The following PDXDC1 variants were observed in gnomAD, a reference collection of about 807,000 sequenced individuals.
PDXDC1 encodes the protein pyridoxal dependent decarboxylase domain containing 1.
A neutral mutation model predicts 100.1 loss-of-function variants in PDXDC1; 42 were observed. The ratio of observed to expected loss-of-function variants is 0.42; its 90% CI spans 0.33 to 0.54. The LOEUF (loss-of-function observed/expected upper bound fraction) is 0.54, where lower values mean the gene tolerates loss of function less well. Among genes scored for constraint, PDXDC1 ranks in the 20% least tolerant of loss-of-function variants. The pLI is 0.10. For synonymous variants in PDXDC1, 260 were observed against 371.7 expected (o/e 0.70, Z 3.46); for missense variants, 636 against 979.2 (o/e 0.65, Z 4.68).
intron 16 of PDXDC1, among the ~76,000 whole-genome samples, chr16:15,051,340 G>C (rs1488622126): frequency 6.6e-6 from 1 of 152,202 alleles, no homozygotes; most frequent in Non-Finnish European, 1.5e-5. Flanking sequence ...TAAAACAGTA[G>C]ACTGCTTTGC....
intron 16 of PDXDC1, chr16:15,046,021 A>G (rs2044045444): frequency 6.6e-6 from 1 of 152,302 alleles, no homozygotes. Context: ...TCACAGTTCT[A>G]CAACAGATCA....
chr16:15,058,446 G>T (rs933477971), intron 16 of PDXDC1, among the ~76,000 whole-genome samples: 2 of 152,116 alleles, frequency 1.3e-5, no homozygotes, highest in African/African-American at 4.8e-5. Flanking sequence ...CTTTTTTGAG[G>T]CCAGACATGG....
intron 16 of PDXDC1, chr16:15,045,047 C>G (rs2043988185): frequency 6.6e-6 from 1 of 151,586 alleles, no homozygotes; most frequent in African/African-American, 2.4e-5. Flanking sequence ...CTGCTTGACC[C>G]TGGGAGGCAG....
intron 16 of PDXDC1, among the ~76,000 whole-genome samples, chr16:15,046,932 C>T (rs2044095250): frequency 6.6e-6 from 1 of 152,082 alleles, no homozygotes; most frequent in Non-Finnish European, 1.5e-5. Flanking sequence ...GCGGTCCCCA[C>T]ATCTTCCTGG....
chr16:15,093,991 G>A (rs371940852), intron 16 of PDXDC1: 40 of 700,734 alleles, frequency 5.7e-5, no homozygotes, highest in East Asian at 4.9e-4. Flanking sequence ...CAGTTAGGAG[G>A]AATGAGCTCA....
intron 16 of PDXDC1, chr16:15,125,097 A>T (rs1428908656): frequency 2.5e-6 from 1 of 400,588 alleles, no homozygotes; most frequent in Non-Finnish European, 4.5e-6. Context: ...CAGTGAGCCG[A>T]GATCGTACCA....
chr16:15,130,868 G>A (rs2151914906), intron 16 of PDXDC1: 1 of 724,844 alleles, frequency 1.4e-6, no homozygotes, highest in African/African-American at 1.7e-5. Flanking sequence ...GCCCTCCTGA[G>A]CCCACCCTCT....
In PDXDC1 at chr16:15,016,535, C is replaced by T. The variant is rs1404444214; in HGVS notation, c.812+322C>T. 13 of 575,010 alleles carry T rather than the reference C, an allele frequency of 2.3e-5. No homozygotes were observed. The East Asian group carries it at 5.1e-4, about 22-fold the overall frequency. 35.6% of individuals were successfully genotyped at this position (575,010 alleles called of 1,614,324 possible). A position where few individuals can be genotyped will look rare whatever the true frequency, so the allele number is the denominator to read the frequency against. ...TTCCTGTTACAGTGCAAAGTAGCTG[C>T]AGAAACTCCAGCCTTCTTTCCAGCT... On this transcript the variant is annotated intron_variant, in intron 9 of 22. Coordinates refer to ENST00000396410, the MANE Select transcript of PDXDC1 (RefSeq NM_015027.4).
At chr16:15,057,912 A>C (rs906858855) in intron 16 of PDXDC1, among the ~76,000 whole-genome samples, 4 of 152,148 alleles carry the variant, frequency 2.6e-5, no homozygotes, top group South Asian at 2.1e-4. Flanking sequence ...TAGGCTGAGT[A>C]CTGTGTTAAA....
chr16:15,015,131 C>T (rs1260992773), intron 8 of PDXDC1, among the ~76,000 whole-genome samples: 42 of 152,202 alleles, frequency 2.8e-4, no homozygotes, highest in African/African-American at 8.4e-4. Context: ...TTAGTAGAGA[C>T]GGGATTTCAC....
chr16:15,038,482 G>T, downstream of PDXDC1: 1 of 736,344 alleles, frequency 1.4e-6, no homozygotes, highest in Non-Finnish European at 2.3e-6. Flanking sequence ...CAAAGGGAAA[G>T]CAGCTATGAC....
intron 16 of PDXDC1, among the ~76,000 whole-genome samples, chr16:15,122,194 A>G (rs1157485882): frequency 1.3e-5 from 2 of 151,994 alleles, no homozygotes; most frequent in South Asian, 2.1e-4. Flanking sequence ...AAAAGTCATC[A>G]AACCAGATGA....
chr16:15,065,099 G>T, intron 16 of PDXDC1: 1 of 997,760 alleles, frequency 1.0e-6, no homozygotes, highest in Non-Finnish European at 1.5e-6. Flanking sequence ...CCGGGAGGCG[G>T]AGCTTGCGGT....
At chr16:14,995,847 A>G (rs1209464430) in intron 1 of PDXDC1, among the ~76,000 whole-genome samples, 1 of 152,280 alleles carries the variant, frequency 6.6e-6, no homozygotes, top group Non-Finnish European at 1.5e-5. Context: ...CAGAGATTCA[A>G]CTTCTTCCTG....
intron 16 of PDXDC1, among the ~76,000 whole-genome samples, chr16:15,100,037 G>T (rs1236269070): frequency 1.3e-5 from 2 of 152,166 alleles, no homozygotes; most frequent in African/African-American, 4.8e-5. Context: ...TGGCCAATTT[G>T]GATAAGGTGC....
chr16:15,028,981 C>G lies in PDXDC1; in HGVS notation c.1293+15C>G, dbSNP rs761268272. On this transcript the variant is annotated intron_variant, in intron 15 of 22. Transcript: ENST00000396410. ...TGAATCGCTGGGTGAGAATGGCAGT[C>G]ACCCCCCTTTCCTTTCAGGTCCCCG... 2 of 1,610,256 alleles carry G rather than the reference C, an allele frequency of 1.2e-6. No homozygotes were observed. Among genetic ancestry groups the G allele is most frequent in the Admixed American group, 3.3e-5 (2 of 59,944 alleles).
intron 1 of PDXDC1, among the ~76,000 whole-genome samples, chr16:14,978,680 C>A: frequency 6.6e-6 from 1 of 152,294 alleles, no homozygotes; most frequent in South Asian, 2.1e-4. Context: ...TAAGCGTGAG[C>A]CACCGTGCCA....
chr16:15,129,905 T>C (rs769970753), intron 16 of PDXDC1: 80 of 1,011,240 alleles, frequency 7.9e-5, no homozygotes, highest in African/African-American at 1.9e-4. Flanking sequence ...CCAGCCTGTC[T>C]TGACGAGGAT....
chr16:15,063,704 CAAAAA>C (rs10664930), intron 16 of PDXDC1, among the ~76,000 whole-genome samples: 1 of 89,122 alleles, frequency 1.1e-5, no homozygotes. Flanking sequence ...GACTCTGTCT[CAAAAA>C]AAAAAAAAAA....
Sources: gnomAD v4.1 joint callset for allele counts (sites outside exome capture counted in the v4.1 genomes callset) on GRCh38, gnomAD v4.1.1 for gene constraint, MANE v1.5 for transcripts, NCBI Gene and HGNC (gene_info 2026-07-23, HGNC 2026-07-21) for gene names.